Variants in KMT2C observed in about 807,000 individuals in gnomAD.
KMT2C encodes the protein histone-lysine N-methyltransferase 2C.
Under a neutral mutation model 507.9 loss-of-function variants are expected in KMT2C, and 88 were observed. The ratio of observed to expected loss-of-function variants is 0.17; its 90% confidence interval spans 0.15 to 0.21. The LOEUF (loss-of-function observed/expected upper bound fraction) is 0.21. Ranked by LOEUF, KMT2C falls within the 10% of genes least tolerant of loss-of-function variation. KMT2C has a pLI of 1.00. For missense variants in KMT2C, 4,954 were observed against 5,957.8 expected (o/e 0.83, Z 5.55); for synonymous variants, 2,049 against 2,080.8 (o/e 0.98, Z 0.42).
intron 2 of KMT2C, among the ~76,000 whole-genome samples, chr7:152,337,441 C>T (rs1225625068): frequency 6.6e-6 from 1 of 152,204 alleles, no homozygotes; most frequent in South Asian, 2.1e-4. Flanking sequence ...CATAACATAC[C>T]CTCTTTTAAA....
intron 15 of KMT2C, among the ~76,000 whole-genome samples, chr7:152,237,476 AG>A (rs1235200503): frequency 2.0e-5 from 3 of 152,040 alleles, no homozygotes; most frequent in Admixed American, 6.6e-5. Context: ...GGATGGCGTC[AG>A]GTTAGTTTTT....
Position 152,394,363 on chromosome 7 carries a change from T to C in KMT2C, c.162-35688A>G, listed in dbSNP as rs1343695717. ...CTGACTCCCCACGCTACTTCTCTTA[T>C]GATGTTTTCTCCATAACTCAGCTCC... On this transcript the variant is annotated intron_variant, in intron 1 of 58. Coordinates refer to ENST00000262189, the MANE Select transcript of KMT2C (RefSeq NM_170606.3). 2.6e-5 allele frequency among the ~76,000 whole-genome samples: 4 copies of C among 152,300 alleles called. No homozygotes were observed. The East Asian group carries it at 7.7e-4, about 29-fold the overall frequency.
intron 1 of KMT2C, among the ~76,000 whole-genome samples, chr7:152,401,466 G>A (rs1003526817): frequency 6.6e-6 from 1 of 152,028 alleles, no homozygotes; most frequent in South Asian, 2.1e-4. Context: ...CGAGGCAAGT[G>A]GATCAGTTGA....
intron 37 of KMT2C, among the ~76,000 whole-genome samples, chr7:152,178,897 T>G (rs1280516269): frequency 6.6e-6 from 1 of 152,224 alleles, no homozygotes; most frequent in East Asian, 1.9e-4. Context: ...GGAAACATTC[T>G]TATGATTCAT....
At chr7:152,364,058 C>T (rs766559576) in intron 1 of KMT2C, among the ~76,000 whole-genome samples, 22 of 152,182 alleles carry the variant, frequency 1.4e-4, no homozygotes, top group Non-Finnish European at 1.3e-4. Context: ...AGAACAAATG[C>T]TATTCTAGAC....
At position 152,152,861 on chromosome 7, in the gene KMT2C, T is replaced by C. The variant is rs587778509; in HGVS notation, c.12370A>G (p.Met4124Val). 19 of 1,614,174 alleles carry C rather than the reference T, an allele frequency of 1.2e-5. No individual in the cohort carries two copies. The highest frequency in any genetic ancestry group is 1.1e-4 in the East Asian group (5 of 44,886). The change falls in exon 49 of 59, where the codon ATG becomes GTG. Residue 4124 changes from methionine to valine, a missense_variant. Transcript: ENST00000262189. ...EVSSAPDVPSMGLVSSHRINP... is the reference protein window; with the variant it reads ...EVSSAPDVPSVGLVSSHRINP... Reference sequence around the variant, plus strand: ...ATTCTGTGGCTACTGACCAAACCCATGGATGGGACATCTGGAGCACTGCTA... The same window carrying C: ...ATTCTGTGGCTACTGACCAAACCCACGGATGGGACATCTGGAGCACTGCTA...
rs2093208723 is a variant in KMT2C at position 152,176,314 on chromosome 7, G to T, written c.9139C>A (p.Leu3047Ile). The T allele has an allele frequency of 1.9e-6, 3 of 1,614,130 alleles. No individual in the cohort carries two copies. Among genetic ancestry groups the T allele is most frequent in the Non-Finnish European group, 2.5e-6 (3 of 1,180,020 alleles). ...AGAAGTAGAGGCTGTTCTTCTAGAA[G>T]AAGGGGCCTCTCTCTATTCTGCTGT... Reference protein sequence around the residue: ...LAQQNRERPLLLEEQPLLLQD... With the variant: ...LAQQNRERPLILEEQPLLLQD... Residue 3047 changes from leucine to isoleucine, a missense_variant, in exon 38 of 59, where the codon CTT becomes ATT. By Grantham distance (5) the Leu-to-Ile change is conservative (BLOSUM62 2). Coordinates refer to ENST00000262189, the MANE Select transcript of KMT2C (RefSeq NM_170606.3).
chr7:152,435,828 T>TG lies in KMT2C; in HGVS notation c.-43dup. The TG allele has an allele frequency of 1.9e-6, 2 of 1,058,914 alleles. No individual in the cohort carries two copies. The highest frequency in any genetic ancestry group is 9.7e-5 in the East Asian group (1 of 10,360). 65.6% of individuals were successfully genotyped at this position (1,058,914 alleles called of 1,614,324 possible). ...GACACATGGATCCCGGTCCTCCTCC[T>TG]GGGGGGCTCCCGCCGCCGCGGCCGC... On this transcript the variant is annotated 5_prime_UTR_variant, in exon 1 of 59. An upstream open reading frame in the 5' UTR loses its in-frame stop. Transcript: ENST00000262189.
intron 3 of KMT2C, among the ~76,000 whole-genome samples, chr7:152,326,679 G>A (rs1015310699): frequency 5.3e-5 from 8 of 152,076 alleles, no homozygotes; most frequent in African/African-American, 1.9e-4. Context: ...AGGAGATCGA[G>A]ACCATCCTGG....
In KMT2C at chr7:152,194,016, G is replaced by A. The variant is rs1362734657; in HGVS notation, c.4653C>T (p.His1551=). The change falls in exon 31 of 59, where the codon CAC becomes CAT. Residue 1551 remains histidine (H), a synonymous_variant. Transcript: ENST00000262189. ...PPPPTQLLPI[H]NQDAFSRMPL... is the part of the protein sequence containing the mutation. ...TATAAAGTCATAACATACCCTGATT[G>A]TGTATTGGCAACAGCTGTGTTGGTG... is the stretch of plus-strand genomic sequence containing the variant. The A allele has an allele frequency of 1.3e-6, 2 of 1,558,402 alleles. No homozygotes were observed. The highest frequency in any genetic ancestry group is 2.3e-5 in the East Asian group (1 of 43,954).
intron 9 of KMT2C, among the ~76,000 whole-genome samples, chr7:152,260,281 T>C (rs994358388): frequency 5.9e-5 from 9 of 152,140 alleles, no homozygotes; most frequent in East Asian, 1.9e-4. Context: ...CAAAAGAGAA[T>C]AGCAGATTAC....
chr7:152,177,754 C>T lies in KMT2C; in HGVS notation c.7699G>A (p.Asp2567Asn), dbSNP rs1278081629. ...AYIELRHRAP[D>N]GRQRLPFSAP... Reference sequence around the variant, plus strand: ...CTGAAAGGCAGCCGTTGCCTTCCGTCAGGAGCCCTATGTCTCAGTTCAATA... The same window carrying T: ...CTGAAAGGCAGCCGTTGCCTTCCGTTAGGAGCCCTATGTCTCAGTTCAATA... Residue 2567 changes from aspartate (D) to asparagine (N), a missense_variant, in exon 38 of 59, where the codon GAC (aspartate) becomes AAC (asparagine). Around this residue, in one of 29 missense-constraint regions of KMT2C, gnomAD observed 1,689 missense variants for 1,654.3 expected, o/e 1.02. Transcript: ENST00000262189. 1 of 1,613,984 alleles carries T rather than the reference C, an allele frequency of 6.2e-7. No individual in the cohort carries two copies. The highest frequency in any genetic ancestry group is 8.5e-7 in the Non-Finnish European group (1 of 1,180,020).
chr7:152,418,747 G>A (rs1004254209), intron 1 of KMT2C, among the ~76,000 whole-genome samples: 1 of 151,396 alleles, frequency 6.6e-6, no homozygotes, highest in African/African-American at 2.4e-5. Flanking sequence ...TTACTCAATG[G>A]AAAATTAAGC....
At chr7:152,290,254 A>ATGTGTG (rs1285878646) in intron 6 of KMT2C, among the ~76,000 whole-genome samples, 4 of 41,608 alleles carry the variant, frequency 9.6e-5, no homozygotes, top group African/African-American at 3.1e-4. Context: ...GTGTGTGTGT[A>ATGTGTG]TGTGTATATA....
intron 1 of KMT2C, among the ~76,000 whole-genome samples, chr7:152,390,112 G>C (rs1028500926): frequency 6.6e-6 from 1 of 152,228 alleles, no homozygotes; most frequent in Non-Finnish European, 1.5e-5. Flanking sequence ...TTGGGTACTA[G>C]GGTCACTTTG....
At chr7:152,147,707 C>CAAAA (rs762588729) in intron 52 of KMT2C, among the ~76,000 whole-genome samples, 18 of 46,682 alleles carry the variant, frequency 3.9e-4, no homozygotes, top group African/African-American at 9.5e-4. Flanking sequence ...AACTCCGTCT[C>CAAAA]AAAAAAAAAA....
chr7:152,217,594 C>A (rs1343436620), intron 23 of KMT2C, among the ~76,000 whole-genome samples: 1 of 152,114 alleles, frequency 6.6e-6, no homozygotes, highest in Non-Finnish European at 1.5e-5. Context: ...ACTAAACAAT[C>A]TTTTTTCATA....
In KMT2C at chr7:152,286,934, T is replaced by C. The variant is rs374556887; in HGVS notation, c.850-13067A>G. 9.9e-5 allele frequency among the ~76,000 whole-genome samples: 15 copies of C among 152,148 alleles called. No homozygotes were observed. The East Asian group carries it at 1.7e-3, about 18-fold the overall frequency. ...GCAGGCTACCAAGACAAAAAACTCA[T>C]AGACAACAACAAACCAGTTTAAGCC... On this transcript the variant is annotated intron_variant, in intron 6 of 58. Transcript: ENST00000262189.
intron 2 of KMT2C, among the ~76,000 whole-genome samples, chr7:152,336,867 A>G (rs1271365925): frequency 3.3e-5 from 5 of 152,220 alleles, no homozygotes; most frequent in Admixed American, 3.3e-4. Context: ...AAAATGCACC[A>G]AAGTCAGAAA....
Sources: gnomAD v4.1 joint callset for allele counts (sites outside exome capture counted in the v4.1 genomes callset) on GRCh38, gnomAD v4.1.1 for gene constraint, gnomAD v4.1.1 regional missense constraint, MANE v1.5 for transcripts, NCBI Gene and HGNC (gene_info 2026-07-23, HGNC 2026-07-21) for gene names.